ORC1: variants seen among roughly 807,000 people sequenced by gnomAD.
ORC1 encodes the protein origin recognition complex, subunit 1 homolog.
A neutral mutation model predicts 98.9 loss-of-function variants in ORC1; 61 were observed. That is an observed-to-expected ratio of 0.62 (90% CI 0.50 to 0.76). ORC1 has a LOEUF of 0.76. Ranked by LOEUF, ORC1 falls within the 30% of genes least tolerant of loss-of-function variation. The pLI is 0.00. For synonymous variants in ORC1, 385 were observed against 406.9 expected, an observed-to-expected ratio of 0.95 and a Z score of 0.65; for missense variants, 979 against 1,072.2, an observed-to-expected ratio of 0.91 and a Z score of 1.21.
rs766003436 is a variant in ORC1 at position 52,393,615 on chromosome 1, T to C, written c.910A>G (p.Thr304Ala). The C allele has an allele frequency of 7.4e-6, 12 of 1,614,182 alleles. No individual in the cohort carries two copies. The South Asian group carries it at 1.3e-4, about 18-fold the overall frequency. ...GGTGAAGCCTTCTTGTCATCCTCAG[T>C]ATAAGAGAGTCCAGTCTCTCTGGTT... ...EKTRETGLSY[T>A]EDDKKASPEH... Residue 304 changes from threonine to alanine, a missense_variant, in exon 6 of 17, where the codon ACT becomes GCT. Physicochemically the swap from Thr to Ala is moderately conservative, Grantham distance 58 (BLOSUM62 0). Coordinates refer to ENST00000371568, the MANE Select transcript of ORC1 (RefSeq NM_004153.4).
intron 13 of ORC1, among the ~76,000 whole-genome samples, chr1:52,382,800 G>T (rs113975422): frequency 6.6e-6 from 1 of 151,738 alleles, no homozygotes; most frequent in African/African-American, 2.4e-5. Flanking sequence ...GGCTGGTCTC[G>T]AACTCCTGAC....
At position 52,396,367 on chromosome 1, in the gene ORC1, G is replaced by A. The variant is rs570149676; in HGVS notation, c.403-3C>T. 6.2e-7 allele frequency: 1 copy of A among 1,614,034 alleles called. No homozygotes were observed. Among genetic ancestry groups the A allele is most frequent in the South Asian group, 1.1e-5 (1 of 91,078 alleles). ...TCCTTTGGGGCTAAAGGTATCACCT[G>A]AATTTAGGAAGTATAGATAAGTAGG... On this transcript the variant is annotated splice_region_variant and splice_polypyrimidine_tract_variant and intron_variant, in intron 4 of 16. Coordinates refer to ENST00000371568, the MANE Select transcript of ORC1 (RefSeq NM_004153.4).
intron 11 of ORC1, 81 bp from the exon 12 acceptor site, chr1:52,384,018 G>A (rs1647108368): frequency 8.6e-7 from 1 of 1,168,162 alleles, no homozygotes; most frequent in African/African-American, 1.5e-5. Context: ...CAAATGGAGG[G>A]AGGCATTTAA....
At chr1:52,391,726 C>T (rs956277606) in intron 6 of ORC1, among the ~76,000 whole-genome samples, 2 of 151,806 alleles carry the variant, frequency 1.3e-5, no homozygotes, top group Admixed American at 6.6e-5. Flanking sequence ...TGGTGAAATC[C>T]CACCTCTACT....
intron 8 of ORC1, among the ~76,000 whole-genome samples, chr1:52,386,291 C>T (rs1647142563): frequency 6.6e-6 from 1 of 152,146 alleles, no homozygotes; most frequent in African/African-American, 2.4e-5. Flanking sequence ...AACTACTCTG[C>T]CCAAATACAG....
At chr1:52,393,288 G>A (rs1008906671) in intron 6 of ORC1, among the ~76,000 whole-genome samples, 155 bp downstream of exon 6, 6 of 152,176 alleles carry the variant, frequency 3.9e-5, no homozygotes, top group Admixed American at 3.9e-4. Flanking sequence ...ACTAGGTGTG[G>A]GAAGAGGCCT....
At position 52,393,450 on chromosome 1, in the gene ORC1, T is replaced by C; in HGVS notation, c.1075A>G (p.Lys359Glu). 1 of 1,614,226 alleles carries C rather than the reference T, an allele frequency of 6.2e-7. No individual in the cohort carries two copies. The highest frequency in any genetic ancestry group is 8.5e-7 in the Non-Finnish European group (1 of 1,180,028). Residue 359 changes from lysine to glutamate, a missense_variant, in exon 6 of 17, where the codon AAA becomes GAA. Coordinates refer to ENST00000371568, the MANE Select transcript of ORC1 (RefSeq NM_004153.4). ...PSVILKPENI[K>E]KRDAKEAKAQ... ...GGTAATGTCCCTGGTCACCTCTTTT[T>C]GATGTTTTCTGGTTTCAGAATCACG...
intron 9 of ORC1, 88 bp downstream of exon 9, chr1:52,385,764 G>A: frequency 2.4e-6 from 2 of 846,668 alleles, no homozygotes; most frequent in Non-Finnish European, 4.0e-6. Flanking sequence ...CCTTTATTAG[G>A]TAGACCAGTG....
intron 1 of ORC1, 123 bp from the exon 2 acceptor site, chr1:52,402,351 C>G (rs1413674146): frequency 2.7e-6 from 2 of 752,250 alleles, no homozygotes; most frequent in Non-Finnish European, 2.4e-6. Flanking sequence ...CCCTGCTACA[C>G]TCCCATACAT....
At chr1:52,402,815 T>C (rs1647782754) in intron 1 of ORC1, among the ~76,000 whole-genome samples, 1 of 152,126 alleles carries the variant, frequency 6.6e-6, no homozygotes, top group Non-Finnish European at 1.5e-5. Context: ...GCAAATCACT[T>C]GAACCCGGGA....
At chr1:52,403,854 T>C (rs779455013) in intron 1 of ORC1, among the ~76,000 whole-genome samples, 1 of 152,030 alleles carries the variant, frequency 6.6e-6, no homozygotes, top group Non-Finnish European at 1.5e-5. Flanking sequence ...TAAAATGGGG[T>C]AATAACCTCT....
Position 52,374,854 on chromosome 1 carries a change from C to T in ORC1, c.2347G>A (p.Ala783Thr), listed in dbSNP as rs779410890. 1.5e-5 allele frequency: 25 copies of T among 1,613,732 alleles called. No homozygotes were observed. Among genetic ancestry groups the T allele is most frequent in the Middle Eastern group, 1.6e-4 (1 of 6,084 alleles). Residue 783 changes from alanine (A) to threonine (T), a missense_variant, in exon 16 of 17, where the codon GCA (alanine) becomes ACA (threonine). By Grantham distance (58) the Ala-to-Thr change is moderately conservative (BLOSUM62 0). Coordinates refer to ENST00000371568, the MANE Select transcript of ORC1 (RefSeq NM_004153.4). ...LEQSFLRAIL[A>T]EFRRSGLEEA... ...TCCAGTCCTGATCGACGGAACTCTG[C>T]GAGGATGGCTCTCAGGAAGCTCTGT...
At chr1:52,390,503 G>T (rs1647194284) in intron 6 of ORC1, among the ~76,000 whole-genome samples, 1 of 152,206 alleles carries the variant, frequency 6.6e-6, no homozygotes, top group East Asian at 1.9e-4. Flanking sequence ...ACATGTAGAA[G>T]AATGAAACTG....
At chr1:52,384,796 G>A (rs1569923822) in intron 10 of ORC1, 75 bp from the exon 11 acceptor site, 1 of 1,305,058 alleles carries the variant, frequency 7.7e-7, no homozygotes, top group East Asian at 2.5e-5. Context: ...AGGAGTGTGG[G>A]AATGTATACT....
At chr1:52,398,587 A>AT (rs201112399) in intron 3 of ORC1, among the ~76,000 whole-genome samples, 78 of 138,058 alleles carry the variant, frequency 5.6e-4, no homozygotes, top group African/African-American at 1.9e-3. Flanking sequence ...CTTTTATTTT[A>AT]TTTTATTTTT....
intron 3 of ORC1, among the ~76,000 whole-genome samples, chr1:52,398,775 C>A (rs1357318434): frequency 6.7e-6 from 1 of 150,358 alleles, no homozygotes; most frequent in Non-Finnish European, 1.5e-5. Flanking sequence ...TTAGTAGAGA[C>A]GGGGTTTCAC....
chr1:52,396,775 C>T (rs181111460), intron 4 of ORC1, among the ~76,000 whole-genome samples: 2 of 152,294 alleles, frequency 1.3e-5, no homozygotes, highest in East Asian at 3.9e-4. Context: ...ATTCTGTTCG[C>T]CTATGCCAAG....
chr1:52,396,961 C>T (rs1005512237), intron 4 of ORC1, among the ~76,000 whole-genome samples: 2 of 152,174 alleles, frequency 1.3e-5, no homozygotes, highest in East Asian at 3.8e-4. Flanking sequence ...CCTGCTATTC[C>T]CACCACTGTG....
intron 16 of ORC1, among the ~76,000 whole-genome samples, chr1:52,374,192 G>C (rs181347740): frequency 6.6e-6 from 1 of 152,324 alleles, no homozygotes; most frequent in East Asian, 1.9e-4. Context: ...ACAGTAATGG[G>C]CAAAACATGA....
Sources: gnomAD v4.1 joint callset for allele counts (sites outside exome capture counted in the v4.1 genomes callset) on GRCh38, gnomAD v4.1.1 for gene constraint, MANE v1.5 for transcripts, NCBI Gene and HGNC (gene_info 2026-07-23, HGNC 2026-07-21) for gene names.